Variants in SYNDIG1 observed in about 807,000 individuals in gnomAD.
SYNDIG1 encodes the protein synapse differentiation inducing 1.
SYNDIG1 carries 9 observed loss-of-function variants against 19.4 expected under a neutral mutation model. The ratio of observed to expected loss-of-function variants is 0.46; its 90% confidence interval spans 0.28 to 0.81. The LOEUF is 0.81. SYNDIG1 is among the 30% of genes least tolerant of loss of function. The probability of loss-of-function intolerance (pLI) is 0.12; values close to 1 mark genes in which losing one functional copy is unlikely to be tolerated. For missense variants in SYNDIG1, 311 were observed against 343.3 expected (o/e 0.91, Z 0.74); for synonymous variants, 141 against 145.9 (o/e 0.97, Z 0.24).
chr20:24,492,061 G>A (rs1177018008), intron 1 of SYNDIG1, among the ~76,000 whole-genome samples: 1 of 152,190 alleles, frequency 6.6e-6, no homozygotes, highest in Non-Finnish European at 1.5e-5. Flanking sequence ...CCACTAACAG[G>A]TGACCCAGGC....
intron 3 of SYNDIG1, among the ~76,000 whole-genome samples, chr20:24,626,918 A>T (rs2059150777): frequency 6.6e-6 from 1 of 152,254 alleles, no homozygotes; most frequent in African/African-American, 2.4e-5. Flanking sequence ...CACCAAAAAA[A>T]TACGAAAACC....
At chr20:24,487,261 C>T (rs1191306129) in intron 1 of SYNDIG1, among the ~76,000 whole-genome samples, 2 of 152,100 alleles carry the variant, frequency 1.3e-5, no homozygotes, top group Non-Finnish European at 2.9e-5. Context: ...TCTTATGTAA[C>T]AATATAATAA....
intron 1 of SYNDIG1, among the ~76,000 whole-genome samples, chr20:24,526,774 G>A (rs2057133795): frequency 1.3e-5 from 2 of 152,028 alleles, no homozygotes; most frequent in Admixed American, 1.3e-4. Context: ...TTTGCAAATG[G>A]ATTTTTCACT....
chr20:24,520,693 C>CA (rs11475871), intron 1 of SYNDIG1, among the ~76,000 whole-genome samples: 112 of 144,894 alleles, frequency 7.7e-4, no homozygotes, highest in Admixed American at 8.3e-4. Context: ...AACTCTGTCT[C>CA]AAAAAAAAAA....
chr20:24,473,420 C>T (rs997679080), intron 1 of SYNDIG1, among the ~76,000 whole-genome samples: 3 of 152,148 alleles, frequency 2.0e-5, no homozygotes, highest in African/African-American at 7.2e-5. Context: ...ATGAAGTTGT[C>T]GGCAGGAGGT....
intron 2 of SYNDIG1, among the ~76,000 whole-genome samples, chr20:24,553,557 T>C (rs2057750563): frequency 2.0e-5 from 3 of 152,236 alleles, no homozygotes; most frequent in Non-Finnish European, 4.4e-5. Context: ...GCACCAGTTA[T>C]TAAATAGGAA....
intron 1 of SYNDIG1, among the ~76,000 whole-genome samples, chr20:24,498,431 G>A (rs971689904): frequency 6.6e-6 from 1 of 152,196 alleles, no homozygotes; most frequent in African/African-American, 2.4e-5. Flanking sequence ...CATAGGCGCT[G>A]AGCTGCACAG....
chr20:24,565,287 T>A (rs982135188), intron 2 of SYNDIG1, among the ~76,000 whole-genome samples: 3 of 152,206 alleles, frequency 2.0e-5, no homozygotes, highest in Non-Finnish European at 2.9e-5. Flanking sequence ...AAGAAGTATC[T>A]TTAGAAACGG....
chr20:24,517,345 G>T (rs1418059756), intron 1 of SYNDIG1, among the ~76,000 whole-genome samples: 2 of 150,628 alleles, frequency 1.3e-5, no homozygotes, highest in African/African-American at 2.4e-5. Flanking sequence ...GCCGGGTGTG[G>T]TGGCTCACGC....
chr20:24,611,344 C>T (rs1202925857), intron 3 of SYNDIG1, among the ~76,000 whole-genome samples: 1 of 152,152 alleles, frequency 6.6e-6, no homozygotes, highest in Non-Finnish European at 1.5e-5. Context: ...TTGTGTCAGC[C>T]AAAGTCCCCA....
At chr20:24,515,792 C>T (rs2056849316) in intron 1 of SYNDIG1, among the ~76,000 whole-genome samples, 2 of 152,258 alleles carry the variant, frequency 1.3e-5, no homozygotes, top group Non-Finnish European at 1.5e-5. Context: ...CAATGCCATC[C>T]CCATCAAGCT....
chr20:24,657,912 A>C (rs1664239914), intron 3 of SYNDIG1, among the ~76,000 whole-genome samples: 1 of 152,232 alleles, frequency 6.6e-6, no homozygotes, highest in South Asian at 2.1e-4. Flanking sequence ...TAAAACACCC[A>C]TGGTGGAATA....
chr20:24,533,723 A>G (rs2057306900), intron 1 of SYNDIG1, among the ~76,000 whole-genome samples: 1 of 152,132 alleles, frequency 6.6e-6, no homozygotes, highest in Admixed American at 6.5e-5. Context: ...TCTCACTGTC[A>G]CTGGCTGAGG....
At chr20:24,572,080 A>G (rs770914625) in intron 2 of SYNDIG1, among the ~76,000 whole-genome samples, 1 of 152,136 alleles carries the variant, frequency 6.6e-6, no homozygotes, top group Non-Finnish European at 1.5e-5. Flanking sequence ...ATAAACCCCT[A>G]ATTTTAGTGG....
At chr20:24,582,687 C>T (rs2058350378) in intron 2 of SYNDIG1, among the ~76,000 whole-genome samples, 1 of 152,080 alleles carries the variant, frequency 6.6e-6, no homozygotes, top group African/African-American at 2.4e-5. Flanking sequence ...CACTTTTTTT[C>T]CCCCTTAGCC....
intron 2 of SYNDIG1, among the ~76,000 whole-genome samples, chr20:24,563,337 C>T (rs1313088569): frequency 1.3e-5 from 2 of 152,168 alleles, no homozygotes; most frequent in Non-Finnish European, 2.9e-5. Context: ...GAAATCGATC[C>T]TCCCAATCTT....
At chr20:24,478,237 C>T (rs6049718) in intron 1 of SYNDIG1, among the ~76,000 whole-genome samples, 132,604 of 152,324 alleles carry the variant, frequency 0.87, 58,046 homozygotes, top group African/African-American at 0.97. Flanking sequence ...CAGCTTCAAC[C>T]ATTGGTGCCT....
At chr20:24,632,175 GTCAGCCTA>G (rs371629962) in intron 3 of SYNDIG1, among the ~76,000 whole-genome samples, 7 of 152,354 alleles carry the variant, frequency 4.6e-5, no homozygotes, top group African/African-American at 1.7e-4. Flanking sequence ...GAGTTTGGAA[GTCAGCCTA>G]TCTTTCTAGT....
At chr20:24,472,974 C>G (rs560163366) in intron 1 of SYNDIG1, among the ~76,000 whole-genome samples, 39 of 152,268 alleles carry the variant, frequency 2.6e-4, no homozygotes, top group African/African-American at 8.7e-4. Flanking sequence ...CAAATAAAAC[C>G]TTGTCTTTTC....
Sources: gnomAD v4.1 joint callset for allele counts (sites outside exome capture counted in the v4.1 genomes callset) on GRCh38, gnomAD v4.1.1 for gene constraint, MANE v1.5 for transcripts, NCBI Gene and HGNC (gene_info 2026-07-23, HGNC 2026-07-21) for gene names.